Variants in SLAMF6 observed in about 807,000 individuals in gnomAD.
The protein encoded by SLAMF6 is SLAM family member 6.
In SLAMF6, 21 loss-of-function variants were observed where a neutral mutation model predicts 38.3. The observed-to-expected ratio is 0.55, with a 90% CI of 0.39 to 0.79. The LOEUF (loss-of-function observed/expected upper bound fraction) is 0.79. Among genes scored for constraint, SLAMF6 ranks in the 30% least tolerant of loss-of-function variants. SLAMF6 has a pLI of 0.00. For synonymous variants in SLAMF6, 152 were observed against 146.3 expected (o/e 1.04, Z -0.28); for missense variants, 341 against 385.3 (o/e 0.89, Z 0.96).
intron 1 of SLAMF6, among the ~76,000 whole-genome samples, chr1:160,519,636 A>G (rs1056927898): frequency 2.0e-5 from 3 of 152,230 alleles, no homozygotes; most frequent in African/African-American, 7.2e-5. Context: ...GTACTGATAC[A>G]TGGTTCAGCA....
rs1441754780 is a variant in SLAMF6, at chr1:160,487,172, T to C, written c.883A>G (p.Thr295Ala). Reference sequence around the variant, plus strand: ...TTTTCTCTAGGTGTCCAGATTTCTGTTTCCTGTAAAAAGAATCATACCAAT... The same window carrying C: ...TTTTCTCTAGGTGTCCAGATTTCTGCTTCCTGTAAAAAGAATCATACCAAT... ...YASVTHSNRE[T>A]EIWTPRENDT... is the part of the protein sequence containing the mutation. Residue 295 changes from threonine (T) to alanine (A), a missense_variant, in exon 7 of 8, where the codon ACA becomes GCA. Transcript: ENST00000368057. 6.2e-7 allele frequency: 1 copy of C among 1,612,716 alleles called. No homozygotes were observed. The highest frequency in any genetic ancestry group is 1.3e-5 in the African/African-American group (1 of 74,790).
chr1:160,507,145 GA>G (rs1262092355), intron 1 of SLAMF6, among the ~76,000 whole-genome samples: 3 of 152,046 alleles, frequency 2.0e-5, no homozygotes, highest in Non-Finnish European at 4.4e-5. Context: ...TACATACAGA[GA>G]TTCACTTTAG....
chr1:160,492,142 G>T (rs929605881), intron 2 of SLAMF6, among the ~76,000 whole-genome samples: 3 of 152,190 alleles, frequency 2.0e-5, no homozygotes, highest in African/African-American at 7.2e-5. Context: ...TGCCTAGTAA[G>T]ATGTAACTGT....
At position 160,487,103 on chromosome 1, in the gene SLAMF6, C is replaced by A. The variant is rs776328497; in HGVS notation, c.951+1G>T. 6.2e-7 allele frequency: 1 copy of A among 1,609,658 alleles called. No homozygotes were observed. Among genetic ancestry groups the A allele is most frequent in the Non-Finnish European group, 8.5e-7 (1 of 1,176,540 alleles). ...AAAACATGGAGCAATCGTGGGCTTA[C>A]CTCTTTGGAATGATTAATTGTGGAG... is the stretch of plus-strand genomic sequence containing the variant. On this transcript the variant is annotated splice_donor_variant, in intron 7 of 7. Coordinates refer to ENST00000368057, the MANE Select transcript of SLAMF6 (RefSeq NM_001184714.2). LOFTEE classifies it high-confidence loss of function.
At chr1:160,508,084 C>T (rs1387628084) in intron 1 of SLAMF6, among the ~76,000 whole-genome samples, 1 of 152,036 alleles carries the variant, frequency 6.6e-6, no homozygotes, top group Non-Finnish European at 1.5e-5. Flanking sequence ...CCATACTGCC[C>T]AAGGTAATTT....
At chr1:160,520,346 C>T (rs1218265769) in intron 1 of SLAMF6, among the ~76,000 whole-genome samples, 2 of 152,138 alleles carry the variant, frequency 1.3e-5, no homozygotes, top group Non-Finnish European at 2.9e-5. Context: ...GTTTCTATTT[C>T]TTCCTCCCTA....
At chr1:160,514,499 G>C (rs1444789476) in intron 1 of SLAMF6, among the ~76,000 whole-genome samples, 1 of 152,152 alleles carries the variant, frequency 6.6e-6, no homozygotes, top group African/African-American at 2.4e-5. Flanking sequence ...TCTAGATCAA[G>C]TGGACCTGAT....
chr1:160,490,796 T>C, intron 3 of SLAMF6, 111 bp from the exon 4 acceptor site: 1 of 1,476,534 alleles, frequency 6.8e-7, no homozygotes, highest in Non-Finnish European at 9.0e-7. Context: ...GGTAAGTTTG[T>C]CTATAGCCGG....
At chr1:160,495,842 C>T (rs980998494) in intron 2 of SLAMF6, among the ~76,000 whole-genome samples, 7 of 152,148 alleles carry the variant, frequency 4.6e-5, no homozygotes, top group South Asian at 2.1e-4. Flanking sequence ...ACCATTTTAT[C>T]GGAGTGAAGT....
At chr1:160,520,842 G>T (rs1654953294) in intron 1 of SLAMF6, among the ~76,000 whole-genome samples, 2 of 152,074 alleles carry the variant, frequency 1.3e-5, no homozygotes, top group Admixed American at 6.6e-5. Flanking sequence ...TTGCAACAGT[G>T]GTCTTCTTTC....
Position 160,491,159 on chromosome 1 carries a change from T to C in SLAMF6, c.612A>G (p.Leu204=), listed in dbSNP as rs1324611080. 2.5e-6 allele frequency: 4 copies of C among 1,613,990 alleles called. No individual in the cohort carries two copies. The highest frequency in any genetic ancestry group is 2.2e-5 in the East Asian group (1 of 44,874). The change falls in exon 3 of 8, where the codon TTA becomes TTG. Residue 204 remains leucine (L), a synonymous_variant. Coordinates refer to ENST00000368057, the MANE Select transcript of SLAMF6 (RefSeq NM_001184714.2). ...TCIAENAVSN[L]SFSVSAQKLC... ...GCTTCTGGGCAGAGACAGAGAAGGA[T>C]AAATTACTGACAGCATTCTCTGCTA...
intron 2 of SLAMF6, among the ~76,000 whole-genome samples, chr1:160,492,682 T>C (rs947174767): frequency 6.6e-6 from 1 of 152,190 alleles, no homozygotes; most frequent in Non-Finnish European, 1.5e-5. Flanking sequence ...TCAAACTTGG[T>C]ATAGTCTAAA....
intron 6 of SLAMF6, among the ~76,000 whole-genome samples, chr1:160,488,580 G>A (rs547304790): frequency 4.2e-4 from 64 of 152,160 alleles, no homozygotes; most frequent in African/African-American, 1.5e-3. Context: ...GAGGGGAGGG[G>A]TGAACCATTG....
chr1:160,521,266 T>C (rs144139392), intron 1 of SLAMF6, among the ~76,000 whole-genome samples: 22 of 152,288 alleles, frequency 1.4e-4, no homozygotes, highest in African/African-American at 5.1e-4. Context: ...TCAAATGTGT[T>C]TCTCTTTCTA....
rs902060559 is a variant in SLAMF6, at chr1:160,485,393, C to T, written c.*1314G>A. ...GAAAGAGTGGTCTGGGAAGGTTTCT[C>T]TTAGGAGGTGACATATTTAAAATTA... On this transcript the variant is annotated 3_prime_UTR_variant, in exon 8 of 8. Coordinates refer to ENST00000368057, the MANE Select transcript of SLAMF6 (RefSeq NM_001184714.2). The T allele has an allele frequency of 2.0e-5, 3 of 152,106 alleles. No individual in the cohort carries two copies. Among genetic ancestry groups the T allele is most frequent in the African/African-American group, 7.2e-5 (3 of 41,404 alleles). The allele number at this position is 152,106 out of a possible 1,614,324, so 9.4% of individuals were successfully genotyped here.
At chr1:160,512,134 G>A (rs1654502078) in intron 1 of SLAMF6, among the ~76,000 whole-genome samples, 1 of 152,220 alleles carries the variant, frequency 6.6e-6, no homozygotes, top group Non-Finnish European at 1.5e-5. Flanking sequence ...AGGGGCAGCA[G>A]CCATCACTGC....
In SLAMF6 at chr1:160,496,382, A is replaced by G. The variant is rs527504086; in HGVS notation, c.61T>C (p.Ser21Pro). The change falls in exon 2 of 8, where the codon TCA becomes CCA. Residue 21 changes from serine (S) to proline (P), a missense_variant. Physicochemically the swap from Ser to Pro is moderately conservative, Grantham distance 74. Transcript: ENST00000368057. The stretch of plus-strand genomic sequence containing the variant: ...ATCAATGGGGTTAAGCTGCTTTGTG[A>G]AACTACATTCCCTGTAAACACAGAA... Reference protein sequence around the residue: ...VFCFGPGNVVSQSSLTPLMVN... With the variant: ...VFCFGPGNVVPQSSLTPLMVN... 2 of 1,613,060 alleles carry G rather than the reference A, an allele frequency of 1.2e-6. No homozygotes were observed. Among genetic ancestry groups the G allele is most frequent in the East Asian group, 4.5e-5 (2 of 44,856 alleles).
chr1:160,488,015 G>C (rs942673519), intron 6 of SLAMF6, among the ~76,000 whole-genome samples: 1 of 151,324 alleles, frequency 6.6e-6, no homozygotes, highest in Non-Finnish European at 1.5e-5. Context: ...ACCTGAGCAT[G>C]AGGAGGTTGA....
At chr1:160,492,937 T>C (rs1264009350) in intron 2 of SLAMF6, among the ~76,000 whole-genome samples, 13 of 152,208 alleles carry the variant, frequency 8.5e-5, no homozygotes, top group Non-Finnish European at 1.8e-4. Flanking sequence ...CAACTCTTGT[T>C]TGGACTATTG....
Sources: gnomAD v4.1 joint callset for allele counts (sites outside exome capture counted in the v4.1 genomes callset) on GRCh38, gnomAD v4.1.1 for gene constraint, MANE v1.5 for transcripts, NCBI Gene and HGNC (gene_info 2026-07-23, HGNC 2026-07-21) for gene names.